The following MYO16 variants were observed in gnomAD, a reference collection of about 807,000 sequenced individuals.
MYO16 encodes the protein unconventional myosin-XVI.
Under a neutral mutation model 205.3 loss-of-function variants are expected in MYO16, and 94 were observed. The ratio of observed to expected loss-of-function variants is 0.46; its 90% confidence interval spans 0.39 to 0.54. MYO16 has a LOEUF of 0.54. Among genes scored for constraint, MYO16 ranks in the 20% least tolerant of loss-of-function variants. The probability of loss-of-function intolerance (pLI) is 0.00; values close to 1 mark genes in which losing one functional copy is unlikely to be tolerated. For missense variants in MYO16, 2,315 were observed against 2,387.5 expected (o/e 0.97, Z 0.63); for synonymous variants, 988 against 954.0 (o/e 1.04, Z -0.66).
intron 20 of MYO16, 57 bp downstream of exon 20, chr13:108,964,959 G>A: frequency 6.4e-7 from 1 of 1,555,910 alleles, no homozygotes; most frequent in South Asian, 1.2e-5. Flanking sequence ...TAACTTAAAG[G>A]CTCAACTCCA....
At chr13:109,039,169 T>C (rs1355882451) in intron 23 of MYO16, among the ~76,000 whole-genome samples, 1 of 152,224 alleles carries the variant, frequency 6.6e-6, no homozygotes, top group Non-Finnish European at 1.5e-5. Context: ...CCTAGACATC[T>C]ACTCTGACAA....
chr13:108,866,301 A>C, intron 12 of MYO16, 59 bp downstream of exon 12: 1 of 1,060,604 alleles, frequency 9.4e-7, no homozygotes, highest in Admixed American at 2.6e-5. Context: ...CTAGTCATAC[A>C]TGTTTGTATC....
chr13:108,818,142 G>C (rs1875741286), intron 7 of MYO16, among the ~76,000 whole-genome samples: 1 of 152,094 alleles, frequency 6.6e-6, no homozygotes, highest in Non-Finnish European at 1.5e-5. Flanking sequence ...TCAGCAATTT[G>C]GGAGACCAAG....
the MYO16 span, among the ~76,000 whole-genome samples, chr13:108,561,524 C>T: frequency 1.3e-5 from 2 of 152,114 alleles, no homozygotes; most frequent in Non-Finnish European, 2.9e-5. Context: ...ATAAAAGGTA[C>T]AAATGTTTTT....
chr13:108,655,695 C>G (rs1397618470), intron 1 of MYO16, among the ~76,000 whole-genome samples: 1 of 152,170 alleles, frequency 6.6e-6, no homozygotes, highest in Non-Finnish European at 1.5e-5. Context: ...CTATACCCTG[C>G]AAAGCCACAG....
intron 20 of MYO16, among the ~76,000 whole-genome samples, chr13:108,980,884 G>A (rs75276536): frequency 0.029 from 4,443 of 152,192 alleles, 101 homozygotes; most frequent in African/African-American, 0.056. Flanking sequence ...TATGAGGTTG[G>A]CATTCTTGTC....
intron 16 of MYO16, among the ~76,000 whole-genome samples, chr13:108,946,372 G>T (rs1694310907): frequency 6.6e-6 from 1 of 152,130 alleles, no homozygotes; most frequent in Non-Finnish European, 1.5e-5. Flanking sequence ...AGTAGAGCTG[G>T]TGTTCACTAT....
chr13:109,093,569 A>G (rs1287283474), intron 27 of MYO16, among the ~76,000 whole-genome samples: 5 of 152,090 alleles, frequency 3.3e-5, no homozygotes, highest in South Asian at 2.1e-4. Context: ...AGTCTGGGGA[A>G]TAAATGCTCT....
the MYO16 span, among the ~76,000 whole-genome samples, chr13:108,568,974 A>T: frequency 1.9e-3 from 294 of 152,164 alleles, no homozygotes; most frequent in African/African-American, 6.0e-3. Context: ...TTAATTGACC[A>T]TAAATGTGTT....
At chr13:109,147,176 A>G (rs1375254579) in intron 32 of MYO16, among the ~76,000 whole-genome samples, 1 of 139,244 alleles carries the variant, frequency 7.2e-6, no homozygotes, top group Non-Finnish European at 1.5e-5. Flanking sequence ...TCTACTACAG[A>G]AAAAAAAAAA....
At chr13:109,066,943 T>A (rs1887767504) in intron 27 of MYO16, among the ~76,000 whole-genome samples, 1 of 151,502 alleles carries the variant, frequency 6.6e-6, no homozygotes, top group African/African-American at 2.4e-5. Flanking sequence ...GGATCCTAAT[T>A]TCTACTCTAC....
intron 32 of MYO16, among the ~76,000 whole-genome samples, chr13:109,155,021 A>G (rs1200755472): frequency 2.0e-5 from 3 of 151,768 alleles, no homozygotes; most frequent in Non-Finnish European, 4.4e-5. Context: ...GCAAAAAAGG[A>G]TTCAGTTAGT....
chr13:109,087,230 T>C (rs1888460483), intron 27 of MYO16, among the ~76,000 whole-genome samples: 1 of 152,250 alleles, frequency 6.6e-6, no homozygotes, highest in African/African-American at 2.4e-5. Context: ...CTCAGTGATG[T>C]GCTAATCAAT....
intron 1 of MYO16, among the ~76,000 whole-genome samples, chr13:108,656,687 A>G (rs1366409297): frequency 6.6e-6 from 1 of 152,212 alleles, no homozygotes; most frequent in African/African-American, 2.4e-5. Flanking sequence ...TATTCCAACA[A>G]TTATTTTATT....
chr13:108,541,441 T>C, the MYO16 span, among the ~76,000 whole-genome samples: 1 of 151,556 alleles, frequency 6.6e-6, no homozygotes, highest in Admixed American at 6.6e-5. Flanking sequence ...TTCACAATAT[T>C]CTATAAGAAA....
intron 34 of MYO16, among the ~76,000 whole-genome samples, chr13:109,206,271 G>A (rs1880593557): frequency 6.6e-6 from 1 of 152,188 alleles, no homozygotes; most frequent in Non-Finnish European, 1.5e-5. Flanking sequence ...GAAATTAAAT[G>A]AAGAGAAAGT....
intron 32 of MYO16, among the ~76,000 whole-genome samples, chr13:109,146,746 T>C (rs1244786827): frequency 1.3e-5 from 2 of 151,492 alleles, no homozygotes; most frequent in East Asian, 3.9e-4. Flanking sequence ...ACAGTGGCCG[T>C]GGTTGCTCCA....
At chr13:108,682,476 G>A (rs905313352) in intron 2 of MYO16, among the ~76,000 whole-genome samples, 5 of 151,684 alleles carry the variant, frequency 3.3e-5, no homozygotes, top group African/African-American at 1.2e-4. Context: ...AGAGCCGCGG[G>A]CACACAGGCT....
chr13:109,064,940 A>G (rs1009101832), intron 27 of MYO16, among the ~76,000 whole-genome samples: 1 of 152,206 alleles, frequency 6.6e-6, no homozygotes, highest in Admixed American at 6.5e-5. Flanking sequence ...AAACAGCCAT[A>G]TATTTTTTTC....
Sources: allele counts gnomAD v4.1 joint callset (sites outside exome capture counted in the v4.1 genomes callset), GRCh38; gene constraint gnomAD v4.1.1; transcripts MANE v1.5; gene names NCBI Gene and HGNC (gene_info 2026-07-23, HGNC 2026-07-21).